SLC17A9: variants seen among roughly 807,000 people sequenced by gnomAD.
SLC17A9 encodes the protein solute carrier family 17 member 9, also known as voltage-gated purine nucleotide uniporter SLC17A9.
Under a neutral mutation model 55.0 loss-of-function variants are expected in SLC17A9, and 49 were observed. The ratio of observed to expected loss-of-function variants is 0.89; its 90% CI spans 0.71 to 1.13. SLC17A9 has a LOEUF of 1.13. Among genes scored for constraint, SLC17A9 ranks in the 50% most tolerant of loss-of-function variants. SLC17A9 has a pLI of 0.00. For synonymous variants in SLC17A9, 256 were observed against 247.4 expected (o/e 1.03, Z -0.32); for missense variants, 526 against 569.3 (o/e 0.92, Z 0.77).
intron 7 of SLC17A9, chr20:62,963,927 C>A (rs2065612179): frequency 1.7e-6 from 1 of 597,432 alleles, no homozygotes. Context: ...GCAGCCCTCC[C>A]AGCCCTCATC....
chr20:62,959,042 G>C (rs2065566382), intron 3 of SLC17A9, among the ~76,000 whole-genome samples: 1 of 152,228 alleles, frequency 6.6e-6, no homozygotes, highest in Non-Finnish European at 1.5e-5. Context: ...AGGAATGAAC[G>C]AATCGGCAAC....
chr20:62,953,595 C>T (rs1197963206), intron 1 of SLC17A9, among the ~76,000 whole-genome samples: 4 of 152,240 alleles, frequency 2.6e-5, no homozygotes, highest in Non-Finnish European at 5.9e-5. Context: ...GGGCTGAGGC[C>T]TTAAGTGGCT....
chr20:62,964,106 G>A, intron 7 of SLC17A9, 122 bp from the exon 8 acceptor site: 1 of 953,030 alleles, frequency 1.0e-6, no homozygotes, highest in East Asian at 2.4e-5. Flanking sequence ...AGCAGGGCTG[G>A]CCCTGCCGGA....
chr20:62,965,665 G>A lies in SLC17A9; in HGVS notation c.1001G>A (p.Ser334Asn), dbSNP rs2065630800. 1 of 1,614,016 alleles carries A rather than the reference G, an allele frequency of 6.2e-7. No individual in the cohort carries two copies. Among genetic ancestry groups the A allele is most frequent in the African/African-American group, 1.3e-5 (1 of 75,072 alleles). The change falls in exon 10 of 13, where the codon AGC becomes AAC. Residue 334 changes from serine (S) to asparagine (N), a missense_variant. Physicochemically the swap from Ser to Asn is conservative, Grantham distance 46. Transcript: ENST00000370351. The part of the protein sequence containing the change: ...VFALCLGHTS[S>N]FCESVVFASA... ...GCTCTGTGCCTGGGCCACACCTCCA[G>A]CTTCTGTGAGTCTGTGGTCTTTGCA...
rs1363176411 is a variant in SLC17A9 at position 62,967,335 on chromosome 20, A to G, written c.1148-2A>G. The G allele has an allele frequency of 1.2e-6, 2 of 1,613,900 alleles. No individual in the cohort carries two copies. Among genetic ancestry groups the G allele is most frequent in the South Asian group, 1.1e-5 (1 of 91,074 alleles). On this transcript the variant is annotated splice_acceptor_variant, in intron 12 of 12. Coordinates refer to ENST00000370351, the MANE Select transcript of SLC17A9 (RefSeq NM_022082.4). LOFTEE classifies it high-confidence loss of function. ...CAGCCCGCCTGGCCCTCTCTTGGGC[A>G]GGTGTCGTGGGTGTGTGTCTAGGCG...
At chr20:62,964,958 T>G (rs1441982514) in intron 8 of SLC17A9, 174 bp from the exon 9 acceptor site, 20 of 673,272 alleles carry the variant, frequency 3.0e-5, no homozygotes, top group Non-Finnish European at 4.6e-5. Context: ...GCCTCGCGGC[T>G]GCACCCCACA....
At chr20:62,955,237 T>TC (rs2065526757) in intron 1 of SLC17A9, among the ~76,000 whole-genome samples, 1 of 151,064 alleles carries the variant, frequency 6.6e-6, no homozygotes, top group African/African-American at 2.4e-5. Context: ...AACCTCTGCC[T>TC]CCCAGGTTCA....
intron 1 of SLC17A9, chr20:62,953,308 G>A: frequency 6.5e-7 from 1 of 1,539,226 alleles, no homozygotes; most frequent in South Asian, 1.2e-5. Flanking sequence ...AGCTGGACGG[G>A]GTTGGGGGGG....
chr20:62,956,795 G>A lies in SLC17A9; in HGVS notation c.90G>A (p.Leu30=), dbSNP rs976301941. ...AGTGCCAGGCATGGACGGGGACGCT[G>A]CTGCTGGGCACATGCCTTCTGTACT... ...RPECQAWTGT[L]LLGTCLLYCA... The change falls in exon 2 of 13, where the codon CTG becomes CTA. Residue 30 remains leucine, a synonymous_variant. Coordinates refer to ENST00000370351, the MANE Select transcript of SLC17A9 (RefSeq NM_022082.4). 3 of 1,612,518 alleles carry A rather than the reference G, an allele frequency of 1.9e-6. No individual in the cohort carries two copies. In the Admixed American group the frequency reaches 5.0e-5, roughly 27 times the overall value.
chr20:62,955,531 T>C (rs2065530003), intron 1 of SLC17A9, among the ~76,000 whole-genome samples: 1 of 152,138 alleles, frequency 6.6e-6, no homozygotes, highest in Admixed American at 6.5e-5. Context: ...AGGCTGCTCT[T>C]GAACTCTTGG....
intron 1 of SLC17A9, chr20:62,953,117 C>T (rs1275502690): frequency 6.9e-7 from 1 of 1,457,104 alleles, no homozygotes; most frequent in Non-Finnish European, 9.4e-7. Context: ...AGTGCCCTAT[C>T]CCAGCCAGTG....
rs2065653193 is a variant in SLC17A9, at chr20:62,967,694, C to A, written c.*194C>A. On this transcript the variant is annotated 3_prime_UTR_variant, in exon 13 of 13. Transcript: ENST00000370351. ...GGGTGGGGTGGGCCTGGGTCCAGAC[C>A]AGGCTCGCTGCTCTCTGGGCCTCAG... 3.5e-6 allele frequency: 2 copies of A among 577,042 alleles called. No homozygotes were observed. The highest frequency in any genetic ancestry group is 5.9e-6 in the Non-Finnish European group (2 of 337,170). The allele number at this position is 577,042 out of a possible 1,614,324, so 35.7% of individuals were successfully genotyped here.
Position 62,968,600 on chromosome 20 carries a change from C to G in SLC17A9, c.*1100C>G, listed in dbSNP as rs1408851154. ...ACTATTAAACTATTCAAAAAGAAGA[C>G]TGTTATTTTATTTAACACCTTTGTT... On this transcript the variant is annotated 3_prime_UTR_variant, in exon 13 of 13. Transcript: ENST00000370351. 6.6e-6 allele frequency: 1 copy of G among 152,236 alleles called. No individual in the cohort carries two copies. The highest frequency in any genetic ancestry group is 2.4e-5 in the African/African-American group (1 of 41,450). 9.4% of individuals were successfully genotyped at this position (152,236 alleles called of 1,614,324 possible).
Position 62,958,989 on chromosome 20 carries a change from AG to A in SLC17A9, c.397+1411del, listed in dbSNP as rs2065565905. ...GCCCCTCCAGCATCACCGCCTCCCCAGGCACTGCCCAGGTCCCACTGCAGGA... is the reference window on the plus strand; with the variant it reads ...GCCCCTCCAGCATCACCGCCTCCCCAGCACTGCCCAGGTCCCACTGCAGGA... On this transcript the variant is annotated intron_variant, in intron 3 of 12. Transcript: ENST00000370351. This position sits in a 1 kb window ranked among gnomAD's most constrained non-coding sequence, Gnocchi z 4.1. Among the ~76,000 whole-genome samples, 1 of 152,198 alleles carries A rather than the reference AG, an allele frequency of 6.6e-6. No homozygotes were observed. Among genetic ancestry groups the A allele is most frequent in the East Asian group, 1.9e-4 (1 of 5,176 alleles).
rs2065622415 is a variant in SLC17A9, at chr20:62,964,999, A to G, written c.911-133A>G. 1.4e-5 allele frequency: 14 copies of G among 1,025,154 alleles called. No homozygotes were observed. In the South Asian group the frequency reaches 1.8e-4, roughly 13 times the overall value. The allele number at this position is 1,025,154 out of a possible 1,614,324, so 63.5% of individuals were successfully genotyped here. ...GTGTGCACACGTTTTTGCCTGCAGC[A>G]CGGGATAGCTGTCTTGAGCCCCAAG... On this transcript the variant is annotated intron_variant, in intron 8 of 12. Coordinates refer to ENST00000370351, the MANE Select transcript of SLC17A9 (RefSeq NM_022082.4).
At chr20:62,966,943 T>A in intron 12 of SLC17A9, 1 of 618,398 alleles carries the variant, frequency 1.6e-6, no homozygotes, top group Non-Finnish European at 2.7e-6. Flanking sequence ...TGAGTCGCCA[T>A]CTGCCCTGAC....
At chr20:62,957,155 C>T in intron 2 of SLC17A9, 193 bp downstream of exon 2, 4 of 984,042 alleles carry the variant, frequency 4.1e-6, no homozygotes, top group Non-Finnish European at 4.8e-6. Context: ...GGGGAAGGAG[C>T]TTGGTGGATA....
intron 12 of SLC17A9, chr20:62,967,097 A>G (rs1233042400): frequency 3.4e-6 from 2 of 589,364 alleles, no homozygotes; most frequent in African/African-American, 1.9e-5. Flanking sequence ...CAGCGGGACA[A>G]AGGGGACTTG....
At chr20:62,957,670 C>G in intron 3 of SLC17A9, 90 bp downstream of exon 3, 1 of 1,162,666 alleles carries the variant, frequency 8.6e-7, no homozygotes, top group East Asian at 2.8e-5. Flanking sequence ...CAGGTGCATG[C>G]GTGCATGCAG....
Sources: allele counts gnomAD v4.1 joint callset (sites outside exome capture counted in the v4.1 genomes callset), GRCh38; gene constraint gnomAD v4.1.1; non-coding constraint Gnocchi (gnomAD v3.1); transcripts MANE v1.5; gene names NCBI Gene and HGNC (gene_info 2026-07-23, HGNC 2026-07-21).